UBA1: variants seen among roughly 807,000 people sequenced by gnomAD.
UBA1 encodes the protein ubiquitin like modifier activating enzyme 1.
Under a neutral mutation model 84.7 loss-of-function variants are expected in UBA1, and 4 were observed. The observed-to-expected ratio is 0.05, with a 90% CI of 0.02 to 0.11. The LOEUF (loss-of-function observed/expected upper bound fraction) is 0.11. Among genes scored for constraint, UBA1 ranks in the 10% least tolerant of loss-of-function variants. The pLI is 1.00. For synonymous variants in UBA1, 364 were observed against 362.6 expected (o/e 1.00, Z -0.04); for missense variants, 513 against 902.8 (o/e 0.57, Z 5.53).
chrX:47,208,600 T>C (rs1368034797), intron 16 of UBA1: 1 of 105,558 alleles, frequency 9.5e-6, no homozygotes, highest in Non-Finnish European at 2.0e-5. Context: ...GCATAACATA[T>C]CTAGAATAAG....
intron 5 of UBA1, among the ~76,000 whole-genome samples, chrX:47,200,631 C>T (rs1027106074): frequency 3.6e-5 from 4 of 112,154 alleles, no homozygotes; most frequent in South Asian, 7.3e-4. Flanking sequence ...CAGACAGCAG[C>T]GGGTGTTTGT....
chrX:47,194,693 C>T (rs1556784933), intron 1 of UBA1, among the ~76,000 whole-genome samples: 1 of 112,149 alleles, frequency 8.9e-6, no homozygotes, highest in Non-Finnish European at 1.9e-5. Flanking sequence ...GCCCTAGCAT[C>T]TTCCATCAGA....
rs782807448 is a variant in UBA1, at chrX:47,199,293, C to T, written c.261C>T (p.Ile87=). The change falls in exon 4 of 26, where the codon ATC becomes ATT. Residue 87 remains isoleucine, a synonymous_variant. Coordinates refer to ENST00000335972, the MANE Select transcript of UBA1 (RefSeq NM_003334.4). ...VSGLRGLGVE[I]AKNIILGGVK... ...GCCTGCGGGGCCTGGGCGTGGAGATCGCTAAGAACATCATCCTTGGTGGGG... is the reference window on the plus strand; with the variant it reads ...GCCTGCGGGGCCTGGGCGTGGAGATTGCTAAGAACATCATCCTTGGTGGGG... 1.6e-5 allele frequency: 19 copies of T among 1,210,544 alleles called. No homozygotes were observed. In the East Asian group the frequency reaches 1.8e-4, roughly 11 times the overall value.
chrX:47,195,024 A>G (rs932174114), intron 1 of UBA1, among the ~76,000 whole-genome samples: 1 of 110,577 alleles, frequency 9.0e-6, no homozygotes, highest in Non-Finnish European at 1.9e-5. Flanking sequence ...CGCCTCCCCA[A>G]CCCCACCCTA....
At chrX:47,192,038 T>A (rs1478312898), upstream of UBA1, among the ~76,000 whole-genome samples, 1 of 112,235 alleles carries the variant, frequency 8.9e-6, no homozygotes, top group African/African-American at 3.2e-5. Flanking sequence ...ACGATAAGAT[T>A]AGCTTACACT....
upstream of UBA1, chrX:47,193,794 A>C (rs1028012229): frequency 8.9e-6 from 1 of 111,781 alleles, no homozygotes; most frequent in Non-Finnish European, 1.9e-5. Context: ...GGTGGGGCCC[A>C]AGGTTTTGTT....
upstream of UBA1, among the ~76,000 whole-genome samples, chrX:47,191,894 C>T (rs782185879): frequency 1.3e-4 from 14 of 111,831 alleles, no homozygotes; most frequent in African/African-American, 4.6e-4. Context: ...ATGAGGCCTC[C>T]TACATTGTTC....
chrX:47,206,133 AGGT>A lies in UBA1; in HGVS notation c.1741+24_1741+26del. The A allele has an allele frequency of 2.5e-6, 3 of 1,192,900 alleles. No individual in the cohort carries two copies. The highest frequency in any genetic ancestry group is 3.4e-6 in the Non-Finnish European group (3 of 885,480). On this transcript the variant is annotated intron_variant, in intron 15 of 25. Coordinates refer to ENST00000335972, the MANE Select transcript of UBA1 (RefSeq NM_003334.4). ...ATGCCCGTGAGTTTGGAGGCGGGTGAGGTGGTCACGGGCAAAGTTGTGTGTGTT... is the reference window on the plus strand; with the variant it reads ...ATGCCCGTGAGTTTGGAGGCGGGTGAGGTCACGGGCAAAGTTGTGTGTGTT...
intron 16 of UBA1, among the ~76,000 whole-genome samples, chrX:47,207,391 TAAAAG>T (rs782127519): frequency 4.5e-5 from 5 of 111,425 alleles, no homozygotes; most frequent in African/African-American, 9.8e-5. Flanking sequence ...GCTGAAAAAA[TAAAAG>T]AAAAAAAGAT....
intron 6 of UBA1, 74 bp downstream of exon 6, chrX:47,201,074 C>T (rs1405105432): frequency 5.2e-6 from 5 of 963,117 alleles, no homozygotes; most frequent in Non-Finnish European, 7.3e-6. Flanking sequence ...AGACTCTAGG[C>T]TCTCCCTGCC....
chrX:47,211,369 CTTTGACATG>C (rs1556793372), intron 20 of UBA1, 144 bp downstream of exon 20: 18 of 693,006 alleles, frequency 2.6e-5, no homozygotes, highest in Non-Finnish European at 3.5e-5. Flanking sequence ...TTGAGCCTCC[CTTTGACATG>C]AAGAGGGTAG....
Position 47,201,481 on chromosome X carries a change from A to G in UBA1, c.682A>G (p.Asn228Asp). The change falls in exon 8 of 26, where the codon AAC becomes GAC. Residue 228 changes from asparagine to aspartate, a missense_variant. By Grantham distance (23) the Asn-to-Asp change is conservative. Coordinates refer to ENST00000335972, the MANE Select transcript of UBA1 (RefSeq NM_003334.4). ...GACTCACTCTTCCTTTAACCAGGAC[A>G]ACCCCGGTGTGGTTACCTGCCTGGA... ...SAMVSMVTKD[N>D]PGVVTCLDEA... is the part of the protein sequence containing the mutation. 1 of 1,211,965 alleles carries G rather than the reference A, an allele frequency of 8.3e-7. No homozygotes were observed.
chrX:47,205,665 G>A, intron 14 of UBA1: 1 of 383,804 alleles, frequency 2.6e-6, no homozygotes, highest in East Asian at 5.1e-5. Context: ...ACCAGCCTGG[G>A]CAGCATGACA....
At chrX:47,198,240 C>T (rs781908170) in intron 1 of UBA1, 1 of 982,347 alleles carries the variant, frequency 1.0e-6, no homozygotes, top group South Asian at 2.0e-5. Flanking sequence ...CTCCCCGCTC[C>T]CGCCGCCATC....
chrX:47,214,980 T>A lies in UBA1; in HGVS notation c.*51T>A. 1 of 1,202,841 alleles carries A rather than the reference T, an allele frequency of 8.3e-7. No homozygotes were observed. The highest frequency in any genetic ancestry group is 1.8e-5 in the South Asian group (1 of 56,834). On this transcript the variant is annotated 3_prime_UTR_variant, in exon 26 of 26. Transcript: ENST00000335972. ...CCTTGTCCACCCCTCTCCACACCCC[T>A]TCCAGCCCAGGGTTCCCATTTGGCT...
chrX:47,206,205 T>C, intron 15 of UBA1, 43 bp from the exon 16 acceptor site: 2 of 1,183,260 alleles, frequency 1.7e-6, no homozygotes, highest in Non-Finnish European at 2.3e-6. Flanking sequence ...TTCTGTCCTC[T>C]CCTGATGTTT....
At chrX:47,205,387 G>A (rs1556790384) in intron 14 of UBA1, 1 of 337,477 alleles carries the variant, frequency 3.0e-6, no homozygotes, top group African/African-American at 2.6e-5. Flanking sequence ...AAGAACAGAT[G>A]TCTGGCCCAT....
In UBA1 at chrX:47,213,146, G is replaced by A; in HGVS notation, c.2803G>A (p.Gly935Ser). 1 of 1,211,580 alleles carries A rather than the reference G, an allele frequency of 8.3e-7. No individual in the cohort carries two copies. Among genetic ancestry groups the A allele is most frequent in the Non-Finnish European group, 1.1e-6 (1 of 895,519 alleles). Residue 935 changes from glycine to serine, a missense_variant, in exon 23 of 26, where the codon GGT becomes AGT. Physicochemically the swap from Gly to Ser is moderately conservative, Grantham distance 56. Around this residue, in one of 6 missense-constraint regions of UBA1, gnomAD observed 151 missense variants for 260.1 expected, o/e 0.58. Transcript: ENST00000335972. ...GFLNLALPFF[G>S]FSEPLAAPRH... ...CCTCAACTTGGCCCTGCCTTTCTTT[G>A]GTTTCTCTGAACCCCTTGCCGCACC...
At chrX:47,201,132 C>T in intron 6 of UBA1, 132 bp downstream of exon 6, 1 of 802,292 alleles carries the variant, frequency 1.2e-6, no homozygotes, top group Non-Finnish European at 1.8e-6. Context: ...GTTTTCATCT[C>T]TCCCCATGTG....
Sources: allele counts gnomAD v4.1 joint callset (sites outside exome capture counted in the v4.1 genomes callset), GRCh38; gene constraint gnomAD v4.1.1; regional missense constraint gnomAD v4.1.1; transcripts MANE v1.5; gene names NCBI Gene and HGNC (gene_info 2026-07-23, HGNC 2026-07-21).